Variants in MFN1 observed in about 807,000 individuals in gnomAD.
MFN1 encodes mitofusin-1.
In MFN1, 65 loss-of-function variants were observed where a neutral mutation model predicts 92.4. That is an observed-to-expected ratio of 0.70 (90% CI 0.58 to 0.86). The LOEUF (loss-of-function observed/expected upper bound fraction) is 0.86, where lower values mean the gene tolerates loss of function less well. MFN1 is among the 40% of genes least tolerant of loss of function. MFN1 has a pLI of 0.00. For missense variants in MFN1, 781 were observed against 868.0 expected (o/e 0.90, Z 1.26); for synonymous variants, 297 against 300.9 (o/e 0.99, Z 0.13).
intron 16 of MFN1, among the ~76,000 whole-genome samples, chr3:179,389,115 A>G (rs1357832694): frequency 6.6e-6 from 1 of 152,250 alleles, no homozygotes; most frequent in Non-Finnish European, 1.5e-5. Flanking sequence ...AATGGTTACC[A>G]GGAGACTGCA....
At chr3:179,375,454 T>C (rs1357967396) in intron 10 of MFN1, 113 bp downstream of exon 10, 4 of 1,333,570 alleles carry the variant, frequency 3.0e-6, no homozygotes, top group Non-Finnish European at 4.2e-6. Context: ...AAATCAACCT[T>C]GTGGGTTTAA....
chr3:179,359,090 TC>T, intron 4 of MFN1, 88 bp downstream of exon 4: 12 of 1,301,858 alleles, frequency 9.2e-6, no homozygotes, highest in Non-Finnish European at 1.2e-5. Flanking sequence ...GATGTCTGCA[TC>T]GCTGACATCT....
chr3:179,388,221 A>G (rs190130128), intron 16 of MFN1, among the ~76,000 whole-genome samples: 1 of 152,310 alleles, frequency 6.6e-6, no homozygotes, highest in Admixed American at 6.5e-5. Context: ...AAGAAAACTG[A>G]ATGAATAGAG....
At position 179,377,410 on chromosome 3, in the gene MFN1, T is replaced by A. The variant is rs745420726; in HGVS notation, c.1291T>A (p.Phe431Ile). The change falls in exon 12 of 18, where the codon TTT becomes ATT. Residue 431 changes from phenylalanine (F) to isoleucine (I), a missense_variant. Physicochemically the swap from Phe to Ile is conservative, Grantham distance 21. Transcript: ENST00000471841. The part of the protein sequence containing the change: ...SVLVDEFCSE[F>I]HPNPDVLKIY... ...TTTGGTTGATGAATTTTGTTCAGAG[T>A]TTCATCCTAATCCAGATGTATTAAA... 4 of 1,607,066 alleles carry A rather than the reference T, an allele frequency of 2.5e-6. No individual in the cohort carries two copies. Among genetic ancestry groups the A allele is most frequent in the Admixed American group, 1.7e-5 (1 of 59,878 alleles).
rs1452627637 is a variant in MFN1 at position 179,355,300 on chromosome 3, ACCT to A, written c.248+3269_248+3271del. ...TCTTTGTGACCTGTATATTGTGCCA[ACCT>A]CCTATCTCATTCTGTGACTTAAAAT... On this transcript the variant is annotated intron_variant, in intron 3 of 17. Transcript: ENST00000471841. Among the ~76,000 whole-genome samples, 3 of 151,210 alleles carry A rather than the reference ACCT, an allele frequency of 2.0e-5. No individual in the cohort carries two copies. The East Asian group carries it at 5.8e-4, about 29-fold the overall frequency.
At chr3:179,375,893 T>C (rs983826930) in intron 10 of MFN1, among the ~76,000 whole-genome samples, 2 of 152,206 alleles carry the variant, frequency 1.3e-5, no homozygotes, top group African/African-American at 4.8e-5. Flanking sequence ...AAGGTGGCAA[T>C]GAATACATGA....
intron 5 of MFN1, 65 bp downstream of exon 5, chr3:179,362,547 T>C: frequency 7.2e-7 from 1 of 1,388,862 alleles, no homozygotes. Flanking sequence ...CTGCTTACTT[T>C]AGCATATGGT....
chr3:179,370,978 A>G (rs1050923285), intron 9 of MFN1, among the ~76,000 whole-genome samples: 1 of 152,172 alleles, frequency 6.6e-6, no homozygotes, highest in African/African-American at 2.4e-5. Context: ...TGGTCACATC[A>G]TGTGGCTTTT....
rs1712163891 is a variant in MFN1, at chr3:179,351,934, C to T, written c.147C>T (p.Ala49=). ...AGAATCCGGAACTTGATCGAATAGC[C>T]ACTGAAGATGATCTGGTAGAAATGC... is the stretch of plus-strand genomic sequence containing the variant. ...TYKNPELDRI[A]TEDDLVEMQG... The change falls in exon 3 of 18, where the codon GCC becomes GCT. Residue 49 remains alanine, a synonymous_variant. Coordinates refer to ENST00000471841, the MANE Select transcript of MFN1 (RefSeq NM_033540.3). 2 of 1,608,174 alleles carry T rather than the reference C, an allele frequency of 1.2e-6. No individual in the cohort carries two copies. Among genetic ancestry groups the T allele is most frequent in the Non-Finnish European group, 8.5e-7 (1 of 1,175,838 alleles).
Position 179,378,659 on chromosome 3 carries a change from C to T in MFN1, c.1507C>T (p.Leu503Phe). 2 of 1,613,822 alleles carry T rather than the reference C, an allele frequency of 1.2e-6. No homozygotes were observed. Among genetic ancestry groups the T allele is most frequent in the Non-Finnish European group, 1.7e-6 (2 of 1,179,836 alleles). ...HTLIPCKKFD[L>F]SYNLNYHKLC... Reference sequence around the variant, plus strand: ...ACTGATCCCTTGCAAGAAATTTGATCTCAGTTATAATCTAAATTACCACAA... The same window carrying T: ...ACTGATCCCTTGCAAGAAATTTGATTTCAGTTATAATCTAAATTACCACAA... The change falls in exon 14 of 18, where the codon CTC becomes TTC. Residue 503 changes from leucine to phenylalanine, a missense_variant. By Grantham distance (22) the Leu-to-Phe change is conservative (BLOSUM62 0). Coordinates refer to ENST00000471841, the MANE Select transcript of MFN1 (RefSeq NM_033540.3).
At chr3:179,385,084 T>TA (rs1396024508) in intron 14 of MFN1, among the ~76,000 whole-genome samples, 3 of 151,284 alleles carry the variant, frequency 2.0e-5, no homozygotes, top group Non-Finnish European at 4.4e-5. Context: ...TTTTTTTTTT[T>TA]ATGTATTTTT....
At chr3:179,371,104 G>A (rs959152568) in intron 9 of MFN1, among the ~76,000 whole-genome samples, 4 of 152,064 alleles carry the variant, frequency 2.6e-5, no homozygotes, top group South Asian at 2.1e-4. Context: ...GACCTGTGCC[G>A]TGAACTTCTT....
chr3:179,350,423 A>G (rs2108521600), intron 2 of MFN1, among the ~76,000 whole-genome samples: 1 of 152,318 alleles, frequency 6.6e-6, no homozygotes. Flanking sequence ...ATTAGGAAAT[A>G]ATTTGAGCTG....
intron 4 of MFN1, among the ~76,000 whole-genome samples, chr3:179,361,996 TTAA>T (rs1230257855): frequency 6.6e-6 from 1 of 152,246 alleles, no homozygotes; most frequent in Non-Finnish European, 1.5e-5. Flanking sequence ...TTAACCTGTT[TTAA>T]TAATGACATT....
intron 16 of MFN1, 51 bp downstream of exon 16, chr3:179,386,680 C>T: frequency 6.6e-7 from 1 of 1,503,764 alleles, no homozygotes; most frequent in Non-Finnish European, 9.0e-7. Flanking sequence ...TGAAATATGA[C>T]ATACATGCAG....
intron 12 of MFN1, 23 bp from the exon 13 acceptor site, chr3:179,378,318 T>C (rs1319868169): frequency 3.4e-6 from 5 of 1,490,082 alleles, no homozygotes; most frequent in East Asian, 2.3e-5. Flanking sequence ...AAAAATAATA[T>C]GGATATTTAC....
chr3:179,365,468 T>C (rs754488137), intron 7 of MFN1, among the ~76,000 whole-genome samples: 20 of 152,212 alleles, frequency 1.3e-4, no homozygotes, highest in Non-Finnish European at 2.1e-4. Flanking sequence ...TAAGTTGTTA[T>C]TGAAATGTAC....
intron 14 of MFN1, among the ~76,000 whole-genome samples, chr3:179,383,413 G>T (rs1713548731): frequency 1.3e-5 from 2 of 152,094 alleles, no homozygotes; most frequent in Non-Finnish European, 2.9e-5. Context: ...GCTCTGTTCT[G>T]TTCCATTGGT....
intron 9 of MFN1, among the ~76,000 whole-genome samples, chr3:179,369,284 G>A (rs2032699): frequency 0.17 from 26,397 of 151,980 alleles, 2,388 homozygotes; most frequent in Admixed American, 0.24. Flanking sequence ...CAATCATAGC[G>A]CATTGCAGCC....
Sources: gnomAD v4.1 joint callset for allele counts (sites outside exome capture counted in the v4.1 genomes callset) on GRCh38, gnomAD v4.1.1 for gene constraint, MANE v1.5 for transcripts, NCBI Gene and HGNC (gene_info 2026-07-23, HGNC 2026-07-21) for gene names.